Variants in NCAPG observed in about 807,000 individuals in gnomAD.
NCAPG encodes condensin complex subunit 3.
In NCAPG, 69 loss-of-function variants were observed where a neutral mutation model predicts 113.1. The observed-to-expected ratio is 0.61, with a 90% CI of 0.50 to 0.75. NCAPG has a LOEUF of 0.75. Ranked by LOEUF, NCAPG falls within the 30% of genes least tolerant of loss-of-function variation. NCAPG has a pLI of 0.00. For synonymous variants in NCAPG, 370 were observed against 415.8 expected (o/e 0.89, Z 1.34); for missense variants, 1,058 against 1,177.0 (o/e 0.90, Z 1.48).
At chr4:17,840,313 A>T (rs983582878) in intron 18 of NCAPG, 104 bp downstream of exon 18, 1 of 1,213,620 alleles carries the variant, frequency 8.2e-7, no homozygotes, top group African/African-American at 1.6e-5. Flanking sequence ...TGGACATCAG[A>T]AATGAATGAA....
At chr4:17,827,236 G>A (rs958340307) in intron 11 of NCAPG, among the ~76,000 whole-genome samples, 2 of 152,196 alleles carry the variant, frequency 1.3e-5, no homozygotes, top group Non-Finnish European at 1.5e-5. Context: ...TTAAGGGCTA[G>A]GTCATGTAAG....
Position 17,825,050 on chromosome 4 carries a change from A to C in NCAPG, c.1466A>C (p.Glu489Ala). Residue 489 changes from glutamate (E) to alanine (A), a missense_variant, in exon 10 of 21, where the codon GAA (glutamate) becomes GCA (alanine). Transcript: ENST00000251496. The stretch of plus-strand genomic sequence containing the variant: ...GATCCAGCTGATGTAAGAAAGAAAG[A>C]ACTCAAGGTAAGTCTCTTTTAAATG... ...NNDPADVRKK[E>A]LKMAEIKVKL... 1 of 1,610,858 alleles carries C rather than the reference A, an allele frequency of 6.2e-7. No homozygotes were observed. The highest frequency in any genetic ancestry group is 2.2e-5 in the East Asian group (1 of 44,792).
intron 1 of NCAPG, 66 bp from the exon 2 acceptor site, chr4:17,812,155 A>G: frequency 1.7e-6 from 2 of 1,172,348 alleles, no homozygotes; most frequent in Admixed American, 1.9e-5. Context: ...CATCAGTCTT[A>G]GGGTGATGTT....
chr4:17,839,338 A>G (rs1478870596), intron 16 of NCAPG, among the ~76,000 whole-genome samples: 1 of 152,156 alleles, frequency 6.6e-6, no homozygotes, highest in East Asian at 1.9e-4. Context: ...TTGGGAGAAG[A>G]GGTATGATCT....
At chr4:17,824,750 C>T (rs1179810310) in intron 9 of NCAPG, among the ~76,000 whole-genome samples, 1 of 151,742 alleles carries the variant, frequency 6.6e-6, no homozygotes, top group African/African-American at 2.4e-5. Context: ...TGCCTATTTC[C>T]CTTCCATTCA....
At position 17,825,132 on chromosome 4, in the gene NCAPG, C is replaced by T. The variant is rs1019235746; in HGVS notation, c.1473+75C>T. 1.0e-4 allele frequency: 113 copies of T among 1,104,892 alleles called. 2 individuals are homozygous for T. In the South Asian group the frequency reaches 1.5e-3, roughly 15 times the overall value. 68.4% of individuals were successfully genotyped at this position (1,104,892 alleles called of 1,614,324 possible). Reference sequence around the variant, plus strand: ...AAGTCTATTCTTTCCTCTTGCTGTGCAGTTCTGAAATGTTTCTCACATAAT... The same window carrying T: ...AAGTCTATTCTTTCCTCTTGCTGTGTAGTTCTGAAATGTTTCTCACATAAT... On this transcript the variant is annotated intron_variant, in intron 10 of 20. Coordinates refer to ENST00000251496, the MANE Select transcript of NCAPG (RefSeq NM_022346.5).
intron 13 of NCAPG, among the ~76,000 whole-genome samples, chr4:17,833,482 A>ATG (rs1201204042): frequency 8.1e-6 from 1 of 122,872 alleles, no homozygotes; most frequent in Non-Finnish European, 1.6e-5. Context: ...ATATATATAT[A>ATG]TTTTTGTTGT....
intron 16 of NCAPG, 131 bp downstream of exon 16, chr4:17,837,932 G>T: frequency 1.1e-6 from 1 of 894,960 alleles, no homozygotes; most frequent in South Asian, 1.5e-5. Flanking sequence ...CACAAAGCAC[G>T]AAAGAAACAT....
At chr4:17,819,745 C>T (rs965750065) in intron 7 of NCAPG, among the ~76,000 whole-genome samples, 1 of 151,284 alleles carries the variant, frequency 6.6e-6, no homozygotes, top group Non-Finnish European at 1.5e-5. Flanking sequence ...GAATTATGGA[C>T]CTGAATTATC....
intron 14 of NCAPG, among the ~76,000 whole-genome samples, chr4:17,836,088 A>G (rs1722081576): frequency 6.6e-6 from 1 of 152,182 alleles, no homozygotes; most frequent in African/African-American, 2.4e-5. Context: ...TTCAGTGTAG[A>G]AGGTTTTCCA....
chr4:17,837,365 A>C (rs376425437), intron 15 of NCAPG, 25 bp downstream of exon 15: 339 of 1,576,740 alleles, frequency 2.2e-4, no homozygotes, highest in Non-Finnish European at 2.7e-4. Context: ...TGATAAATCA[A>C]AAATCTGACT....
intron 5 of NCAPG, among the ~76,000 whole-genome samples, chr4:17,816,225 G>A (rs1721202475): frequency 6.6e-6 from 1 of 152,050 alleles, no homozygotes; most frequent in Non-Finnish European, 1.5e-5. Context: ...CATAAGGAGC[G>A]TGCAACCTGG....
At chr4:17,813,600 A>G (rs1393148798) in intron 3 of NCAPG, among the ~76,000 whole-genome samples, 1 of 151,924 alleles carries the variant, frequency 6.6e-6, no homozygotes, top group East Asian at 1.9e-4. Flanking sequence ...TGCATTCTTT[A>G]TATATTTTGA....
intron 7 of NCAPG, among the ~76,000 whole-genome samples, chr4:17,819,681 TGAGCC>T (rs1721370906): frequency 6.6e-6 from 1 of 152,252 alleles, no homozygotes; most frequent in Admixed American, 6.5e-5. Context: ...ATTACAGGCG[TGAGCC>T]ACAGCGCCCA....
rs1722494847 is a variant in NCAPG, at chr4:17,842,380, G to A, written c.2924+1G>A. On this transcript the variant is annotated splice_donor_variant, in intron 20 of 20. Transcript: ENST00000251496. LOFTEE classifies it high-confidence loss of function. ...AGACTGCTGAAGCCGACTCTGAAAG[G>A]TATGTCATGCATGTCTAGAATATAT... 4 of 1,611,128 alleles carry A rather than the reference G, an allele frequency of 2.5e-6. No individual in the cohort carries two copies. The highest frequency in any genetic ancestry group is 1.7e-6 in the Non-Finnish European group (2 of 1,177,684).
intron 9 of NCAPG, among the ~76,000 whole-genome samples, chr4:17,824,413 A>AC: frequency 6.6e-6 from 1 of 151,990 alleles, no homozygotes; most frequent in African/African-American, 2.4e-5. Context: ...TTATATATAC[A>AC]CCCCTTCTAC....
In NCAPG at chr4:17,833,636, T is replaced by A. The variant is rs535994554; in HGVS notation, c.1885-663T>A. On this transcript the variant is annotated intron_variant, in intron 13 of 20. Transcript: ENST00000251496. ...TTAATTTCTCACTATATATATATAT[T>A]TTTTGTAATATAAATACTGAGCTCT... Among the ~76,000 whole-genome samples the A allele has an allele frequency of 2.0e-4, 30 of 151,522 alleles. 1 individual carries two copies. The South Asian group carries it at 2.3e-3, about 12-fold the overall frequency.
intron 12 of NCAPG, among the ~76,000 whole-genome samples, chr4:17,829,386 T>G (rs1184906241): frequency 6.6e-6 from 1 of 152,218 alleles, no homozygotes; most frequent in Non-Finnish European, 1.5e-5. Context: ...AGTTTAGAGC[T>G]TCTGGAGAAA....
intron 14 of NCAPG, among the ~76,000 whole-genome samples, chr4:17,835,847 G>A (rs1722074607): frequency 6.6e-6 from 1 of 152,162 alleles, no homozygotes; most frequent in African/African-American, 2.4e-5. Context: ...TATATATGGT[G>A]ATTTGTTTAT....
Sources: gnomAD v4.1 joint callset for allele counts (sites outside exome capture counted in the v4.1 genomes callset) on GRCh38, gnomAD v4.1.1 for gene constraint, MANE v1.5 for transcripts, NCBI Gene and HGNC (gene_info 2026-07-23, HGNC 2026-07-21) for gene names.